Variants in RASGRP1 observed in about 807,000 individuals in gnomAD.
RASGRP1 encodes RAS guanyl-releasing protein 1.
In RASGRP1, 37 loss-of-function variants were observed where a neutral mutation model predicts 95.1. The ratio of observed to expected loss-of-function variants is 0.39; its 90% CI spans 0.30 to 0.51. The LOEUF (loss-of-function observed/expected upper bound fraction) is 0.51. Among genes scored for constraint, RASGRP1 ranks in the 20% least tolerant of loss-of-function variants. The pLI is 0.80. For synonymous variants in RASGRP1, 325 were observed against 353.4 expected (o/e 0.92, Z 0.90); for missense variants, 711 against 965.4 (o/e 0.74, Z 3.49).
intron 2 of RASGRP1, among the ~76,000 whole-genome samples, chr15:38,543,971 G>A (rs1376969788): frequency 6.6e-6 from 1 of 151,932 alleles, no homozygotes; most frequent in Non-Finnish European, 1.5e-5. Flanking sequence ...TTTATTACAT[G>A]CTGGGCATTG....
At chr15:38,503,459 G>GGTTA in intron 10 of RASGRP1, 83 bp from the exon 11 acceptor site, 1 of 1,057,874 alleles carries the variant, frequency 9.5e-7, no homozygotes, top group South Asian at 1.4e-5. Flanking sequence ...ACTACCTGAC[G>GGTTA]GTTACATTTA....
intron 16 of RASGRP1, among the ~76,000 whole-genome samples, chr15:38,491,283 A>T (rs184738820): frequency 1.3e-5 from 2 of 152,256 alleles, no homozygotes. Flanking sequence ...AGAATATTAT[A>T]TATAGACAGT....
At chr15:38,520,799 T>C (rs1402324592) in intron 3 of RASGRP1, among the ~76,000 whole-genome samples, 1 of 152,172 alleles carries the variant, frequency 6.6e-6, no homozygotes, top group Admixed American at 6.6e-5. Context: ...GAAACATTTT[T>C]CAAAGTCCCT....
chr15:38,503,398 A>C (rs376550708), intron 10 of RASGRP1, 22 bp from the exon 11 acceptor site: 2 of 1,505,360 alleles, frequency 1.3e-6, no homozygotes, highest in Admixed American at 3.6e-5. Flanking sequence ...TATTTAGAGA[A>C]ATCCTCATGA....
intron 5 of RASGRP1, among the ~76,000 whole-genome samples, chr15:38,517,345 T>A (rs1410390854): frequency 6.6e-6 from 1 of 152,218 alleles, no homozygotes; most frequent in African/African-American, 2.4e-5. Context: ...CCCTGGGCTC[T>A]AATTTCATCT....
intron 2 of RASGRP1, among the ~76,000 whole-genome samples, chr15:38,550,996 T>C (rs1173451380): frequency 6.6e-6 from 1 of 152,212 alleles, no homozygotes; most frequent in East Asian, 1.9e-4. Context: ...GGGAACTAAA[T>C]GAGACTACAT....
intron 7 of RASGRP1, among the ~76,000 whole-genome samples, chr15:38,512,128 G>C (rs924663151): frequency 1.3e-5 from 2 of 152,190 alleles, no homozygotes; most frequent in Non-Finnish European, 2.9e-5. Flanking sequence ...CAGAGCTGTT[G>C]ACTTTGAGAA....
chr15:38,508,051 T>C, intron 8 of RASGRP1, 50 bp from the exon 9 acceptor site: 1 of 1,538,192 alleles, frequency 6.5e-7, no homozygotes, highest in Non-Finnish European at 8.8e-7. Context: ...CAGTGTGCAT[T>C]GTCTGTAATG....
chr15:38,509,899 G>A (rs974056531), intron 8 of RASGRP1, among the ~76,000 whole-genome samples: 7 of 152,060 alleles, frequency 4.6e-5, no homozygotes, highest in African/African-American at 9.7e-5. Context: ...TGTGGCCTAC[G>A]AAGTACCATT....
chr15:38,554,533 A>C (rs1475490294), intron 2 of RASGRP1, among the ~76,000 whole-genome samples: 1 of 152,166 alleles, frequency 6.6e-6, no homozygotes, highest in Non-Finnish European at 1.5e-5. Flanking sequence ...ACTGCCAAGC[A>C]GGAGAGCACA....
chr15:38,488,699 T>C lies in RASGRP1; in HGVS notation c.*1855A>G, dbSNP rs1261646320. 6.6e-6 allele frequency: 1 copy of C among 151,992 alleles called. No homozygotes were observed. The highest frequency in any genetic ancestry group is 1.5e-5 in the Non-Finnish European group (1 of 67,864). 9.4% of individuals were successfully genotyped at this position (151,992 alleles called of 1,614,324 possible). On this transcript the variant is annotated 3_prime_UTR_variant, in exon 17 of 17. Coordinates refer to ENST00000310803, the MANE Select transcript of RASGRP1 (RefSeq NM_005739.4). Reference sequence around the variant, plus strand: ...GAAGAATGAAAAAAATTGTGTTCCATTACTGTTTTAAAAAATTAGAGTACA... The same window carrying C: ...GAAGAATGAAAAAAATTGTGTTCCACTACTGTTTTAAAAAATTAGAGTACA...
At position 38,512,969 on chromosome 15, in the gene RASGRP1, A is replaced by AC. The variant is rs752886227; in HGVS notation, c.676-14_676-13insG. 6.7e-7 allele frequency: 1 copy of AC among 1,495,212 alleles called. No individual in the cohort carries two copies. Among genetic ancestry groups the AC allele is most frequent in the Non-Finnish European group, 8.9e-7 (1 of 1,124,694 alleles). The allele number at this position is 1,495,212 out of a possible 1,614,324, so 92.6% of individuals were successfully genotyped here. The stretch of plus-strand genomic sequence containing the variant: ...GATAATCAGAGAACTGCAGGAAAAG[A>AC]AACAACAACAACAAAAAAAACCTAT... On this transcript the variant is annotated splice_polypyrimidine_tract_variant and intron_variant, in intron 6 of 16. Transcript: ENST00000310803.
At chr15:38,523,407 A>C (rs750626139) in intron 3 of RASGRP1, among the ~76,000 whole-genome samples, 14 of 152,330 alleles carry the variant, frequency 9.2e-5, no homozygotes, top group South Asian at 2.1e-4. Context: ...AAACAGAAAG[A>C]AGCTTACAGA....
At chr15:38,563,492 G>A (rs1003775270) in intron 1 of RASGRP1, among the ~76,000 whole-genome samples, 1 of 152,198 alleles carries the variant, frequency 6.6e-6, no homozygotes, top group African/African-American at 2.4e-5. Flanking sequence ...GTTTCAGGCT[G>A]AGCTTTTTAT....
intron 2 of RASGRP1, among the ~76,000 whole-genome samples, chr15:38,545,663 C>CA (rs925045719): frequency 5.5e-4 from 84 of 152,066 alleles, no homozygotes; most frequent in African/African-American, 1.9e-3. Flanking sequence ...GATGAGCTGA[C>CA]AAGCAGAGAG....
intron 15 of RASGRP1, among the ~76,000 whole-genome samples, chr15:38,498,149 C>T (rs887284144): frequency 2.0e-5 from 3 of 152,144 alleles, no homozygotes; most frequent in Non-Finnish European, 4.4e-5. Context: ...GTTTTTTAAG[C>T]ATTGGATTTT....
chr15:38,498,489 G>A (rs183073834), intron 15 of RASGRP1, among the ~76,000 whole-genome samples: 1 of 152,270 alleles, frequency 6.6e-6, no homozygotes, highest in Non-Finnish European at 1.5e-5. Context: ...TGGGGATAGG[G>A]TGGGATAGTT....
rs1006548450 is a variant in RASGRP1, at chr15:38,501,275, G to A, written c.1551C>T (p.Ile517=). Residue 517 remains isoleucine, a synonymous_variant, in exon 13 of 17, where the codon ATC becomes ATT. Transcript: ENST00000310803. ...AGTAGGCTGTGATCTCATCCCTGCTGATGAGGCCTTCCCTGCCGGCAGATG... is the reference window on the plus strand; with the variant it reads ...AGTAGGCTGTGATCTCATCCCTGCTAATGAGGCCTTCCCTGCCGGCAGATG... ...CVMDKDREGL[I]SRDEITAYFM... is the part of the protein sequence containing the mutation. The A allele has an allele frequency of 5.0e-6, 8 of 1,612,956 alleles. No individual in the cohort carries two copies. The highest frequency in any genetic ancestry group is 6.8e-6 in the Non-Finnish European group (8 of 1,179,340).
At chr15:38,554,100 C>T (rs1893447592) in intron 2 of RASGRP1, among the ~76,000 whole-genome samples, 1 of 151,978 alleles carries the variant, frequency 6.6e-6, no homozygotes, top group African/African-American at 2.4e-5. Context: ...GAATGTTCAA[C>T]ACACTCCCTG....
Sources: allele counts gnomAD v4.1 joint callset (sites outside exome capture counted in the v4.1 genomes callset), GRCh38; gene constraint gnomAD v4.1.1; transcripts MANE v1.5; gene names NCBI Gene and HGNC (gene_info 2026-07-23, HGNC 2026-07-21).